Variants in SEMA3C observed in about 807,000 individuals in gnomAD.
SEMA3C encodes the protein semaphorin 3C, also known as semaphorin-3C.
SEMA3C carries 47 observed loss-of-function variants against 89.4 expected under a neutral mutation model. The ratio of observed to expected loss-of-function variants is 0.53; its 90% CI spans 0.42 to 0.67. The LOEUF is 0.67. Ranked by LOEUF, SEMA3C falls within the 30% of genes least tolerant of loss-of-function variation. SEMA3C has a pLI of 0.00. For synonymous variants in SEMA3C, 310 were observed against 320.2 expected (o/e 0.97, Z 0.34); for missense variants, 839 against 929.1 (o/e 0.90, Z 1.26).
chr7:80,860,926 T>C (rs1294365008), intron 2 of SEMA3C, among the ~76,000 whole-genome samples: 1 of 152,188 alleles, frequency 6.6e-6, no homozygotes, highest in African/African-American at 2.4e-5. Flanking sequence ...CTTTAACTCA[T>C]GTTTGTTTAT....
At chr7:80,813,559 T>A (rs1488704610) in intron 5 of SEMA3C, among the ~76,000 whole-genome samples, 1 of 152,248 alleles carries the variant, frequency 6.6e-6, no homozygotes, top group Non-Finnish European at 1.5e-5. Context: ...TGTAATATTA[T>A]ATTGATATAT....
intron 2 of SEMA3C, among the ~76,000 whole-genome samples, chr7:80,891,230 C>T (rs1022500969): frequency 1.3e-5 from 2 of 152,154 alleles, no homozygotes; most frequent in South Asian, 4.1e-4. Flanking sequence ...CAGAAGGAAA[C>T]TCATCAGACA....
At chr7:80,903,167 G>T (rs927049440) in intron 2 of SEMA3C, among the ~76,000 whole-genome samples, 1 of 152,144 alleles carries the variant, frequency 6.6e-6, no homozygotes, top group East Asian at 1.9e-4. Context: ...GTCATTGTGC[G>T]AACATCATAT....
chr7:80,830,398 A>G (rs912169193), intron 2 of SEMA3C, among the ~76,000 whole-genome samples: 1 of 152,194 alleles, frequency 6.6e-6, no homozygotes, highest in Non-Finnish European at 1.5e-5. Flanking sequence ...AATTACTGTT[A>G]TTAAGTTTGG....
chr7:80,920,713 C>T (rs1300747198), upstream of SEMA3C, among the ~76,000 whole-genome samples: 2 of 152,104 alleles, frequency 1.3e-5, no homozygotes, highest in Admixed American at 6.5e-5. Context: ...TGTGATGATG[C>T]GTGAGAAGAT....
At chr7:80,782,563 T>C (rs1326515535) in intron 12 of SEMA3C, among the ~76,000 whole-genome samples, 1 of 152,206 alleles carries the variant, frequency 6.6e-6, no homozygotes. Flanking sequence ...AGAGAATAAA[T>C]GCTCAATATA....
At chr7:80,812,729 C>G (rs532679601) in intron 5 of SEMA3C, among the ~76,000 whole-genome samples, 51 of 152,114 alleles carry the variant, frequency 3.4e-4, no homozygotes, top group Non-Finnish European at 7.2e-4. Context: ...CTCTGTTTCT[C>G]CCCAGTTCGT....
intron 2 of SEMA3C, among the ~76,000 whole-genome samples, chr7:80,870,907 C>T (rs1433532571): frequency 6.6e-6 from 1 of 152,184 alleles, no homozygotes; most frequent in African/African-American, 2.4e-5. Context: ...GATGCCACAC[C>T]TCCCTGCTTT....
At chr7:80,766,567 G>C (rs920116690) in intron 12 of SEMA3C, among the ~76,000 whole-genome samples, 1 of 152,176 alleles carries the variant, frequency 6.6e-6, no homozygotes. Flanking sequence ...GCTCAGGCCT[G>C]CTCCCACAAT....
chr7:80,849,529 A>C (rs190316078), intron 2 of SEMA3C, among the ~76,000 whole-genome samples: 1 of 152,210 alleles, frequency 6.6e-6, no homozygotes, highest in Non-Finnish European at 1.5e-5. Flanking sequence ...AATATATTAG[A>C]TAATGATGCA....
At chr7:80,904,301 A>G (rs1031142689) in intron 2 of SEMA3C, among the ~76,000 whole-genome samples, 3 of 152,194 alleles carry the variant, frequency 2.0e-5, no homozygotes, top group Non-Finnish European at 2.9e-5. Flanking sequence ...TCAGCTCTCC[A>G]AAGTGCTGGG....
In SEMA3C at chr7:80,744,850, C is replaced by CAA. The variant is rs1470013289; in HGVS notation, c.*43_*44insTT. ...TTGCTCAAAATTTGATCATTGAAGACAGAGCATTTGTTAATGGAAGCATAA... is the reference window on the plus strand; with the variant it reads ...TTGCTCAAAATTTGATCATTGAAGACAAAGAGCATTTGTTAATGGAAGCATAA... On this transcript the variant is annotated 3_prime_UTR_variant, in exon 18 of 18. Coordinates refer to ENST00000265361, the MANE Select transcript of SEMA3C (RefSeq NM_006379.5). 1 of 1,603,468 alleles carries CAA rather than the reference C, an allele frequency of 6.2e-7. No individual in the cohort carries two copies. The highest frequency in any genetic ancestry group is 2.2e-5 in the East Asian group (1 of 44,826).
intron 2 of SEMA3C, among the ~76,000 whole-genome samples, chr7:80,841,776 C>T (rs1790274961): frequency 1.3e-5 from 2 of 152,132 alleles, no homozygotes; most frequent in African/African-American, 4.8e-5. Flanking sequence ...AAACTATATA[C>T]CATAAAACCT....
At chr7:80,841,337 A>G (rs1228114641) in intron 2 of SEMA3C, among the ~76,000 whole-genome samples, 1 of 152,302 alleles carries the variant, frequency 6.6e-6, no homozygotes, top group African/African-American at 2.4e-5. Flanking sequence ...ATAAATGTAG[A>G]AAAAAGTCTT....
intron 2 of SEMA3C, among the ~76,000 whole-genome samples, chr7:80,902,473 C>T (rs1231997543): frequency 6.6e-6 from 1 of 152,108 alleles, no homozygotes; most frequent in Non-Finnish European, 1.5e-5. Flanking sequence ...AAGCATCTAA[C>T]TGTGCATATT....
At chr7:80,848,119 T>C (rs1790432444) in intron 2 of SEMA3C, among the ~76,000 whole-genome samples, 1 of 152,248 alleles carries the variant, frequency 6.6e-6, no homozygotes, top group Non-Finnish European at 1.5e-5. Flanking sequence ...GTTAAGCATG[T>C]AAACTTAACT....
At chr7:80,896,743 G>T (rs1320082547) in intron 2 of SEMA3C, among the ~76,000 whole-genome samples, 1 of 152,142 alleles carries the variant, frequency 6.6e-6, no homozygotes, top group Non-Finnish European at 1.5e-5. Context: ...TCCTTGCCAT[G>T]CTATGAACCA....
intron 2 of SEMA3C, among the ~76,000 whole-genome samples, chr7:80,874,919 A>C (rs1459825882): frequency 1.3e-5 from 2 of 152,062 alleles, no homozygotes; most frequent in African/African-American, 4.8e-5. Flanking sequence ...CAACTCTAGT[A>C]AAAATACAAA....
intron 17 of SEMA3C, among the ~76,000 whole-genome samples, chr7:80,746,226 G>T (rs112193453): frequency 0.015 from 2,208 of 152,102 alleles, 36 homozygotes; most frequent in South Asian, 0.048. Flanking sequence ...AAATGGACAA[G>T]ATATTACTAA....
Sources: gnomAD v4.1 joint callset for allele counts (sites outside exome capture counted in the v4.1 genomes callset) on GRCh38, gnomAD v4.1.1 for gene constraint, MANE v1.5 for transcripts, NCBI Gene and HGNC (gene_info 2026-07-23, HGNC 2026-07-21) for gene names.